DGAT2: variants seen among roughly 807,000 people sequenced by gnomAD.
DGAT2 encodes the protein diacylglycerol O-acyltransferase 2, also known as acyl-CoA retinol O-fatty-acyltransferase.
In DGAT2, 33 loss-of-function variants were observed where a neutral mutation model predicts 48.4. The ratio of observed to expected loss-of-function variants is 0.68; its 90% CI spans 0.52 to 0.91. The LOEUF (loss-of-function observed/expected upper bound fraction) is 0.91, where lower values mean the gene tolerates loss of function less well. Ranked by LOEUF, DGAT2 falls within the 40% of genes least tolerant of loss-of-function variation. The pLI is 0.00. For missense variants in DGAT2, 446 were observed against 493.7 expected (o/e 0.90, Z 0.92); for synonymous variants, 191 against 194.1 (o/e 0.98, Z 0.13).
In DGAT2 at chr11:75,797,743, G is replaced by A. The variant is rs556284142; in HGVS notation, c.809+411G>A. ...CTTTGGAAGAAGAGGCTGCCCTGCA[G>A]GCTCAGCCCTGGGCCAGCCCCTGGG... On this transcript the variant is annotated intron_variant, in intron 6 of 7. Transcript: ENST00000228027. Among the ~76,000 whole-genome samples the A allele has an allele frequency of 1.2e-4, 19 of 152,276 alleles. No homozygotes were observed. The East Asian group carries it at 3.5e-3, about 28-fold the overall frequency.
chr11:75,790,343 T>C (rs757752163), intron 3 of DGAT2, 48 bp downstream of exon 3: 3 of 1,473,028 alleles, frequency 2.0e-6, no homozygotes, highest in Non-Finnish European at 2.9e-6. Context: ...AGGGATGCTC[T>C]TCCCCCTGCA....
Position 75,798,451 on chromosome 11 carries a change from C to T in DGAT2, c.1012+22C>T, listed in dbSNP as rs114903859. On this transcript the variant is annotated intron_variant, in intron 7 of 7. Coordinates refer to ENST00000228027, the MANE Select transcript of DGAT2 (RefSeq NM_032564.5). Reference sequence around the variant, plus strand: ...GTTGGTAAGCCCCTAGCCTGCAGACCAAGGGCTGTCCTGAACACAGGGTGC... The same window carrying T: ...GTTGGTAAGCCCCTAGCCTGCAGACTAAGGGCTGTCCTGAACACAGGGTGC... 1.7e-3 allele frequency: 2,767 copies of T among 1,609,268 alleles called. 50 individuals are homozygous for T. In the African/African-American group the frequency reaches 0.033, roughly 19 times the overall value.
Position 75,784,614 on chromosome 11 carries a change from G to C in DGAT2, c.122-4G>C, listed in dbSNP as rs768950690. ...AGTGGACTGACATCTTCCCTCTGCTGTAGGCACTGGATCCAGCATCCTCTC... is the reference window on the plus strand; with the variant it reads ...AGTGGACTGACATCTTCCCTCTGCTCTAGGCACTGGATCCAGCATCCTCTC... On this transcript the variant is annotated splice_region_variant and splice_polypyrimidine_tract_variant and intron_variant, in intron 1 of 7. Coordinates refer to ENST00000228027, the MANE Select transcript of DGAT2 (RefSeq NM_032564.5). 1 of 1,613,860 alleles carries C rather than the reference G, an allele frequency of 6.2e-7. No individual in the cohort carries two copies.
intron 4 of DGAT2, 29 bp downstream of exon 4, chr11:75,790,760 G>T (rs1010849904): frequency 1.2e-5 from 20 of 1,611,418 alleles, no homozygotes; most frequent in Non-Finnish European, 1.6e-5. Context: ...TGTTTTGGGA[G>T]GGTGGGAATG....
intron 3 of DGAT2, 65 bp from the exon 4 acceptor site, chr11:75,790,596 T>C (rs1375745774): frequency 1.3e-6 from 2 of 1,493,740 alleles, no homozygotes; most frequent in African/African-American, 1.4e-5. Context: ...ACACTGGCCC[T>C]GTCTTGTCTG....
intron 1 of DGAT2, among the ~76,000 whole-genome samples, chr11:75,775,102 G>C (rs762336188): frequency 6.6e-6 from 1 of 152,156 alleles, no homozygotes; most frequent in African/African-American, 2.4e-5. Flanking sequence ...ATTCCCTTTC[G>C]GGAGATCTTC....
chr11:75,777,952 G>A (rs1944818406), intron 1 of DGAT2, among the ~76,000 whole-genome samples: 1 of 152,152 alleles, frequency 6.6e-6, no homozygotes. Context: ...CAGAAGTTAA[G>A]CATCCTAACT....
At chr11:75,788,592 C>T (rs1443865658) in intron 2 of DGAT2, among the ~76,000 whole-genome samples, 4 of 152,132 alleles carry the variant, frequency 2.6e-5, no homozygotes, top group African/African-American at 9.7e-5. Context: ...CCTTTAGGCT[C>T]ATGGAGAGTC....
At chr11:75,772,679 C>T (rs1003087108) in intron 1 of DGAT2, among the ~76,000 whole-genome samples, 1 of 152,154 alleles carries the variant, frequency 6.6e-6, no homozygotes, top group African/African-American at 2.4e-5. Context: ...CAATTGTCTC[C>T]CCAGTAAGAA....
chr11:75,779,472 CTG>C (rs1944837724), intron 1 of DGAT2, among the ~76,000 whole-genome samples: 1 of 152,226 alleles, frequency 6.6e-6, no homozygotes, highest in Non-Finnish European at 1.5e-5. Context: ...GTTTCCTTCT[CTG>C]TGAAACAGGA....
chr11:75,781,010 A>C (rs1944857461), intron 1 of DGAT2, among the ~76,000 whole-genome samples: 2 of 152,264 alleles, frequency 1.3e-5, no homozygotes. Context: ...GATCAGACCC[A>C]GGCCTGGCCT....
chr11:75,789,461 T>C (rs777917834), intron 2 of DGAT2, among the ~76,000 whole-genome samples: 10 of 152,218 alleles, frequency 6.6e-5, no homozygotes, highest in Non-Finnish European at 1.0e-4. Context: ...CTGAAGTTTT[T>C]GAAGACAGGG....
At chr11:75,772,725 C>T (rs188503576) in intron 1 of DGAT2, among the ~76,000 whole-genome samples, 130 of 152,324 alleles carry the variant, frequency 8.5e-4, no homozygotes, top group Middle Eastern at 3.4e-3. Context: ...CCATGGCTTT[C>T]GCCTGTAATC....
chr11:75,780,851 A>G lies in DGAT2; in HGVS notation c.122-3767A>G, dbSNP rs116465980. Among the ~76,000 whole-genome samples, 998 of 152,354 alleles carry G rather than the reference A, an allele frequency of 6.6e-3. 16 individuals are homozygous for G. Among genetic ancestry groups the G allele is most frequent in the African/African-American group, 0.021 (872 of 41,578 alleles). The stretch of plus-strand genomic sequence containing the variant: ...TCACAGGAGTCCAAGTGCCTGTGCA[A>G]GGGCATGGAGGGTCTCCCAAAGCTT... On this transcript the variant is annotated intron_variant, in intron 1 of 7. Coordinates refer to ENST00000228027, the MANE Select transcript of DGAT2 (RefSeq NM_032564.5).
chr11:75,795,104 AGCCTCT>A (rs1473931697), intron 4 of DGAT2: 1 of 151,754 alleles, frequency 6.6e-6, no homozygotes, highest in Non-Finnish European at 1.5e-5. Flanking sequence ...GGTTTACTGC[AGCCTCT>A]GCCTCCTGGG....
At chr11:75,775,048 A>G (rs1830923797) in intron 1 of DGAT2, among the ~76,000 whole-genome samples, 1 of 152,186 alleles carries the variant, frequency 6.6e-6, no homozygotes, top group Non-Finnish European at 1.5e-5. Flanking sequence ...AAAACGGAAT[A>G]CACAAAAACC....
In DGAT2 at chr11:75,784,676, T is replaced by A; in HGVS notation, c.180T>A (p.Asn60Lys). The change falls in exon 2 of 8, where the codon AAT (asparagine) becomes AAA (lysine). Residue 60 changes from asparagine to lysine, a missense_variant. Coordinates refer to ENST00000228027, the MANE Select transcript of DGAT2 (RefSeq NM_032564.5). ...LQDLFSVTWL[N>K]RSKVEKQLQV... ...ACCTCTTCTCTGTCACCTGGCTCAA[T>A]AGGTCCAAGGTGGAAAAGCAGCTAC... The A allele has an allele frequency of 6.2e-7, 1 of 1,614,050 alleles. No individual in the cohort carries two copies. The highest frequency in any genetic ancestry group is 8.5e-7 in the Non-Finnish European group (1 of 1,179,976).
Position 75,800,714 on chromosome 11 carries a change from G to T in DGAT2, c.*206G>T. 1.6e-6 allele frequency: 1 copy of T among 625,382 alleles called. No homozygotes were observed. Among genetic ancestry groups the T allele is most frequent in the East Asian group, 3.3e-5 (1 of 30,630 alleles). 38.7% of individuals were successfully genotyped at this position (625,382 alleles called of 1,614,324 possible). Reference sequence around the variant, plus strand: ...CTTCCAGCTTGCCCTGTTCTAGGTGGTGGCTAAATCTGGGCCTAATCTGGG... The same window carrying T: ...CTTCCAGCTTGCCCTGTTCTAGGTGTTGGCTAAATCTGGGCCTAATCTGGG... On this transcript the variant is annotated 3_prime_UTR_variant, in exon 8 of 8. Coordinates refer to ENST00000228027, the MANE Select transcript of DGAT2 (RefSeq NM_032564.5).
intron 2 of DGAT2, among the ~76,000 whole-genome samples, chr11:75,784,961 G>A (rs1944906595): frequency 6.6e-6 from 1 of 152,110 alleles, no homozygotes; most frequent in Non-Finnish European, 1.5e-5. Flanking sequence ...AGTGGGAGGT[G>A]GTGTGATAGT....
Sources: gnomAD v4.1 joint callset for allele counts (sites outside exome capture counted in the v4.1 genomes callset) on GRCh38, gnomAD v4.1.1 for gene constraint, MANE v1.5 for transcripts, NCBI Gene and HGNC (gene_info 2026-07-23, HGNC 2026-07-21) for gene names.